Variants in FH observed in about 807,000 individuals in gnomAD.
The protein encoded by FH is fumarate hydratase, mitochondrial.
In FH, 22 loss-of-function variants were observed where a neutral mutation model predicts 49.4. The ratio of observed to expected loss-of-function variants is 0.45; its 90% CI spans 0.32 to 0.64. FH has a LOEUF of 0.64. Among genes scored for constraint, FH ranks in the 30% least tolerant of loss-of-function variants. The probability of loss-of-function intolerance (pLI) is 0.05; values close to 1 mark genes in which losing one functional copy is unlikely to be tolerated. For missense variants in FH, 526 were observed against 641.5 expected, an observed-to-expected ratio of 0.82 and a Z score of 1.95; for synonymous variants, 208 against 223.0, an observed-to-expected ratio of 0.93 and a Z score of 0.60.
intron 1 of FH, chr1:241,519,318 C>G: frequency 2.4e-6 from 1 of 417,734 alleles, no homozygotes; most frequent in South Asian, 3.6e-5. Flanking sequence ...ACGGACGGCT[C>G]CGAGGAGGCG....
intron 9 of FH, among the ~76,000 whole-genome samples, chr1:241,499,118 A>G (rs900744996): frequency 5.0e-4 from 76 of 152,242 alleles, no homozygotes; most frequent in Admixed American, 9.8e-4. Flanking sequence ...TTAAAGTCTA[A>G]GCATTTCAGC....
intron 3 of FH, among the ~76,000 whole-genome samples, chr1:241,513,034 T>C (rs1379054785): frequency 6.6e-6 from 1 of 152,118 alleles, no homozygotes; most frequent in African/African-American, 2.4e-5. Flanking sequence ...CTATTTCTCA[T>C]AGGCTAGGCT....
At chr1:241,500,931 G>A (rs1460411166) in intron 8 of FH, among the ~76,000 whole-genome samples, 1 of 152,142 alleles carries the variant, frequency 6.6e-6, no homozygotes, top group African/African-American at 2.4e-5. Context: ...TGTCGGAACT[G>A]GTGAAATCCT....
At chr1:241,508,532 G>C (rs1659986450) in intron 5 of FH, 71 bp downstream of exon 5, 2 of 1,391,344 alleles carry the variant, frequency 1.4e-6, no homozygotes, top group African/African-American at 2.8e-5. Context: ...AAGCTAGTCA[G>C]ATTTCAAGGA....
Position 241,504,105 on chromosome 1 carries a change from G to T in FH, c.1045C>A (p.Pro349Thr). ...ANDIRFLGSG[P>T]RSGLGELILP... ...ATCAATTCTCCCAGACCTGACCGAGGACCAGAACCCAAAAATCGAATATCA... is the reference window on the plus strand; with the variant it reads ...ATCAATTCTCCCAGACCTGACCGAGTACCAGAACCCAAAAATCGAATATCA... Residue 349 changes from proline to threonine, a missense_variant, in exon 7 of 10, where the codon CCT becomes ACT. Around this residue, in one of 2 missense-constraint regions of FH, gnomAD observed 383 missense variants for 514.0 expected, o/e 0.75. Transcript: ENST00000366560. The T allele has an allele frequency of 6.2e-7, 1 of 1,614,200 alleles. No homozygotes were observed. Among genetic ancestry groups the T allele is most frequent in the East Asian group, 2.2e-5 (1 of 44,878 alleles).
chr1:241,516,705 T>C (rs1573888068), intron 2 of FH, among the ~76,000 whole-genome samples: 4 of 151,624 alleles, frequency 2.6e-5, no homozygotes, highest in African/African-American at 9.7e-5. Flanking sequence ...CAGGCTGGAG[T>C]GCAGTGGTGC....
intron 8 of FH, among the ~76,000 whole-genome samples, chr1:241,501,740 C>G (rs1177807547): frequency 1.3e-5 from 2 of 152,046 alleles, no homozygotes; most frequent in African/African-American, 4.8e-5. Context: ...ACACTTTGTC[C>G]AAATGAAGGA....
chr1:241,513,960 A>ATG (rs1228380907), intron 2 of FH, among the ~76,000 whole-genome samples: 15 of 152,186 alleles, frequency 9.9e-5, no homozygotes, highest in Non-Finnish European at 1.5e-4. Flanking sequence ...TCATATATAT[A>ATG]TGTGTGTACG....
At chr1:241,512,736 C>A (rs1232392519) in intron 3 of FH, among the ~76,000 whole-genome samples, 3 of 152,106 alleles carry the variant, frequency 2.0e-5, no homozygotes, top group Non-Finnish European at 4.4e-5. Context: ...AATCTATTAC[C>A]TTGAACAACT....
At chr1:241,510,352 C>CACAGAAAAGTAAAAGG (rs1421482591) in intron 4 of FH, among the ~76,000 whole-genome samples, 3 of 152,112 alleles carry the variant, frequency 2.0e-5, no homozygotes, top group Admixed American at 1.3e-4. Context: ...AGGATGGTGG[C>CACAGAAAAGTAAAAGG]ATGCCTAAAA....
chr1:241,516,462 C>T (rs1344576649), intron 2 of FH, among the ~76,000 whole-genome samples: 1 of 151,992 alleles, frequency 6.6e-6, no homozygotes, highest in Non-Finnish European at 1.5e-5. Context: ...ACAATGAGAA[C>T]ATATGGACAC....
At chr1:241,501,809 G>A (rs1338541990) in intron 8 of FH, among the ~76,000 whole-genome samples, 4 of 152,148 alleles carry the variant, frequency 2.6e-5, no homozygotes, top group Non-Finnish European at 5.9e-5. Context: ...GAGAAATGGC[G>A]CGATGCATCT....
intron 6 of FH, among the ~76,000 whole-genome samples, chr1:241,504,805 A>G (rs1485138424): frequency 6.6e-6 from 1 of 152,168 alleles, no homozygotes; most frequent in Admixed American, 6.5e-5. Flanking sequence ...AAGAAAAAAC[A>G]CAATCCTACT....
Position 241,504,912 on chromosome 1 carries a change from C to CTT in FH, c.905-669_905-668dup, listed in dbSNP as rs780370447. Among the ~76,000 whole-genome samples, 9 of 138,542 alleles carry CTT rather than the reference C, an allele frequency of 6.5e-5. 1 individual carries two copies. Among genetic ancestry groups the CTT allele is most frequent in the East Asian group, 6.4e-4 (3 of 4,714 alleles). 90.9% of individuals were successfully genotyped at this position (138,542 alleles called of 152,430 possible). Reference sequence around the variant, plus strand: ...ACACTCCTTTCCTAATACCTTTTTTCTTTTTTTTTTTTTTGAGACAGAGTC... The same window carrying CTT: ...ACACTCCTTTCCTAATACCTTTTTTCTTTTTTTTTTTTTTTTGAGACAGAGTC... On this transcript the variant is annotated intron_variant, in intron 6 of 9. Coordinates refer to ENST00000366560, the MANE Select transcript of FH (RefSeq NM_000143.4).
In FH at chr1:241,498,013, A is replaced by G. The variant is rs201020500; in HGVS notation, c.1391-43T>C. ...AGACGACATATGGGTTAGCAGTGAT[A>G]TTTGGTTTCCTAAAGCAAAAGGTGA... On this transcript the variant is annotated intron_variant, in intron 9 of 9. Transcript: ENST00000366560. 1.2e-5 allele frequency: 19 copies of G among 1,609,850 alleles called. No individual in the cohort carries two copies. In the African/African-American group the frequency reaches 1.9e-4, roughly 16 times the overall value.
intron 2 of FH, 64 bp from the exon 3 acceptor site, chr1:241,513,777 T>C: frequency 1.5e-6 from 2 of 1,317,020 alleles, no homozygotes; most frequent in Non-Finnish European, 2.2e-6. Flanking sequence ...GTTTATTATT[T>C]TGGCAGATGC....
chr1:241,515,421 A>G (rs1027690166), intron 2 of FH, among the ~76,000 whole-genome samples: 4 of 152,084 alleles, frequency 2.6e-5, no homozygotes, highest in Non-Finnish European at 4.4e-5. Flanking sequence ...TAGTCTCTGG[A>G]GTTGAATAAT....
At chr1:241,511,282 C>T (rs1456815958) in intron 4 of FH, among the ~76,000 whole-genome samples, 1 of 152,194 alleles carries the variant, frequency 6.6e-6, no homozygotes, top group Non-Finnish European at 1.5e-5. Context: ...AAAAAGTGGG[C>T]CCCCACCAAG....
intron 7 of FH, 136 bp from the exon 8 acceptor site, chr1:241,502,706 A>T: frequency 9.3e-7 from 1 of 1,069,938 alleles, no homozygotes; most frequent in Non-Finnish European, 1.4e-6. Flanking sequence ...ATTTAATGAA[A>T]CAAACCAACC....
Sources: gnomAD v4.1 joint callset for allele counts (sites outside exome capture counted in the v4.1 genomes callset) on GRCh38, gnomAD v4.1.1 for gene constraint, gnomAD v4.1.1 regional missense constraint, MANE v1.5 for transcripts, NCBI Gene and HGNC (gene_info 2026-07-23, HGNC 2026-07-21) for gene names.